The following ESR1 variants were observed in gnomAD, a reference collection of about 807,000 sequenced individuals.
The protein encoded by ESR1 is estrogen receptor.
A neutral mutation model predicts 52.7 loss-of-function variants in ESR1; 12 were observed. That is an observed-to-expected ratio of 0.23 (90% confidence interval 0.15 to 0.37). The LOEUF (loss-of-function observed/expected upper bound fraction) is 0.37. Ranked by LOEUF, ESR1 falls within the 10% of genes least tolerant of loss-of-function variation. The probability of loss-of-function intolerance (pLI) is 1.00; values close to 1 mark genes in which losing one functional copy is unlikely to be tolerated. For synonymous variants in ESR1, 305 were observed against 316.8 expected (o/e 0.96, Z 0.39); for missense variants, 584 against 779.7 (o/e 0.75, Z 2.99).
intron 6 of ESR1, among the ~76,000 whole-genome samples, chr6:152,109,014 G>T (rs185120526): frequency 9.0e-4 from 137 of 152,316 alleles, no homozygotes; most frequent in African/African-American, 3.2e-3. Flanking sequence ...ATGGCAGAAG[G>T]TGAAGGGGAA....
At chr6:151,756,233 AT>A (rs1373748279) in intron 2 of ESR1, among the ~76,000 whole-genome samples, 1 of 150,970 alleles carries the variant, frequency 6.6e-6, no homozygotes, top group African/African-American at 2.4e-5. Context: ...CCCTTACTAA[AT>A]TTTTTTTCCT....
At chr6:151,751,757 A>G (rs1783918306) in intron 2 of ESR1, among the ~76,000 whole-genome samples, 1 of 152,200 alleles carries the variant, frequency 6.6e-6, no homozygotes, top group Admixed American at 6.5e-5. Context: ...AACTTGGTTC[A>G]CAATATTTTC....
chr6:151,766,201 G>A (rs1785036619), intron 2 of ESR1, among the ~76,000 whole-genome samples: 1 of 152,178 alleles, frequency 6.6e-6, no homozygotes, highest in South Asian at 2.1e-4. Context: ...ATTTGTGGTA[G>A]GAGAACATGA....
chr6:151,712,644 T>C (rs560979359), intron 2 of ESR1, among the ~76,000 whole-genome samples: 2 of 152,300 alleles, frequency 1.3e-5, no homozygotes, highest in East Asian at 3.9e-4. Flanking sequence ...TCTCTGTTTG[T>C]TATTACTGTA....
At chr6:151,861,034 T>A (rs1294052865) in intron 2 of ESR1, among the ~76,000 whole-genome samples, 1 of 152,194 alleles carries the variant, frequency 6.6e-6, no homozygotes, top group Admixed American at 6.5e-5. Context: ...TGGCCTTCCC[T>A]GACTTAAAAT....
In ESR1 at chr6:151,997,121, G is replaced by A. The variant is rs182564328; in HGVS notation, c.1097-14535G>A. Among the ~76,000 whole-genome samples the A allele has an allele frequency of 3.3e-5, 5 of 152,092 alleles. No homozygotes were observed. In the East Asian group the frequency reaches 9.7e-4, roughly 29 times the overall value. On this transcript the variant is annotated intron_variant, in intron 4 of 7. Transcript: ENST00000206249. Reference sequence around the variant, plus strand: ...GCAACACAAAACAAAAACAATGTGTGAAGAGCATCTTACCGTTCATTGCTT... The same window carrying A: ...GCAACACAAAACAAAAACAATGTGTAAAGAGCATCTTACCGTTCATTGCTT...
At chr6:151,964,130 TC>T in intron 4 of ESR1, among the ~76,000 whole-genome samples, 1 of 152,324 alleles carries the variant, frequency 6.6e-6, no homozygotes, top group East Asian at 1.9e-4. Context: ...TTCTTTTTGC[TC>T]AAGATTGTTT....
intron 2 of ESR1, among the ~76,000 whole-genome samples, chr6:151,709,289 G>A (rs186408641): frequency 1.4e-4 from 22 of 152,204 alleles, no homozygotes; most frequent in South Asian, 1.0e-3. Context: ...AGGTTCATCC[G>A]TGTTGTTGCA....
intron 1 of ESR1, among the ~76,000 whole-genome samples, chr6:151,666,832 T>A (rs1326975902): frequency 6.6e-6 from 1 of 151,896 alleles, no homozygotes; most frequent in African/African-American, 2.4e-5. Flanking sequence ...CTGTTTTTAC[T>A]CTCAGTGCAC....
chr6:151,698,901 C>G (rs148828833), intron 1 of ESR1, among the ~76,000 whole-genome samples: 1 of 152,120 alleles, frequency 6.6e-6, no homozygotes, highest in Admixed American at 6.6e-5. Context: ...CCTATTCCTC[C>G]GGATCACTCA....
Position 151,793,625 on chromosome 6 carries a change from G to A in ESR1, c.-70-14218G>A, listed in dbSNP as rs138847132. On this transcript the variant is annotated intron_variant, in intron 2 of 2. Transcript: ENST00000404742. ...AGTAATGTGTTGTGCTGTGACATTAGGACAGCTACAATGTCAGGAGGCAAT... is the reference window on the plus strand; with the variant it reads ...AGTAATGTGTTGTGCTGTGACATTAAGACAGCTACAATGTCAGGAGGCAAT... Among the ~76,000 whole-genome samples, 765 of 152,222 alleles carry A rather than the reference G, an allele frequency of 5.0e-3. 7 individuals carry two copies. The highest frequency in any genetic ancestry group is 0.018 in the African/African-American group (733 of 41,524).
chr6:151,815,809 C>T (rs1414223660), intron 1 of ESR1, among the ~76,000 whole-genome samples: 3 of 152,248 alleles, frequency 2.0e-5, no homozygotes, highest in African/African-American at 7.2e-5. Context: ...ATGTTCCCAG[C>T]TGAGGCTGAG....
chr6:151,894,279 T>G (rs1276715171), intron 3 of ESR1, among the ~76,000 whole-genome samples: 1 of 152,182 alleles, frequency 6.6e-6, no homozygotes, highest in Non-Finnish European at 1.5e-5. Flanking sequence ...TTTGAGTTCC[T>G]TGTAGATTCT....
upstream of ESR1, among the ~76,000 whole-genome samples, chr6:151,687,015 T>G (rs1482337431): frequency 6.6e-6 from 1 of 152,224 alleles, no homozygotes; most frequent in Non-Finnish European, 1.5e-5. Flanking sequence ...TTCCTTACTT[T>G]GGCCTCCATG....
intron 3 of ESR1, among the ~76,000 whole-genome samples, chr6:151,883,248 T>C (rs1180907015): frequency 6.6e-6 from 1 of 151,918 alleles, no homozygotes; most frequent in African/African-American, 2.4e-5. Flanking sequence ...ACTTCCCAAG[T>C]AGCTGGGACT....
chr6:152,049,807 GT>G (rs1287759665), intron 5 of ESR1, among the ~76,000 whole-genome samples: 2 of 152,172 alleles, frequency 1.3e-5, no homozygotes. Flanking sequence ...AAATGGATGT[GT>G]GTGGATGACC....
intron 4 of ESR1, among the ~76,000 whole-genome samples, chr6:151,950,620 G>T (rs1418795132): frequency 6.6e-6 from 1 of 152,170 alleles, no homozygotes; most frequent in African/African-American, 2.4e-5. Flanking sequence ...CACAGAAGAA[G>T]ATGATATGAA....
At chr6:151,957,558 GA>G (rs926738833) in intron 4 of ESR1, among the ~76,000 whole-genome samples, 10 of 151,332 alleles carry the variant, frequency 6.6e-5, no homozygotes, top group African/African-American at 1.7e-4. Flanking sequence ...TTACAGTTAA[GA>G]AAAAAAAATT....
chr6:152,100,865 T>C lies in ESR1; in HGVS notation c.*1899T>C. 1 of 231,478 alleles carries C rather than the reference T, an allele frequency of 4.3e-6. No individual in the cohort carries two copies. Among genetic ancestry groups the C allele is most frequent in the Non-Finnish European group, 8.6e-6 (1 of 116,800 alleles). 14.3% of individuals were successfully genotyped at this position (231,478 alleles called of 1,614,324 possible). A position where few individuals can be genotyped will look rare whatever the true frequency, so the allele number is the denominator to read the frequency against. ...TATGTTTAAGAACATAATTCTTTTG[T>C]TGCTGTTTGTTTAAGAAGCACCTTA... is the stretch of plus-strand genomic sequence containing the variant. On this transcript the variant is annotated 3_prime_UTR_variant, in exon 8 of 8. Transcript: ENST00000206249.
Sources: allele counts gnomAD v4.1 joint callset (sites outside exome capture counted in the v4.1 genomes callset), GRCh38; gene constraint gnomAD v4.1.1; transcripts MANE v1.5; gene names NCBI Gene and HGNC (gene_info 2026-07-23, HGNC 2026-07-21).